The following ELF2 variants were observed in gnomAD, a reference collection of about 807,000 sequenced individuals.
ELF2 encodes the protein E74 like ETS transcription factor 2.
Under a neutral mutation model 54.8 loss-of-function variants are expected in ELF2, and 11 were observed. The ratio of observed to expected loss-of-function variants is 0.20; its 90% CI spans 0.13 to 0.33. ELF2 has a LOEUF of 0.33. Among genes scored for constraint, ELF2 ranks in the 10% least tolerant of loss-of-function variants. The pLI is 1.00. For missense variants in ELF2, 513 were observed against 703.0 expected (o/e 0.73, Z 3.06); for synonymous variants, 203 against 245.1 (o/e 0.83, Z 1.61).
At chr4:139,159,015 G>A (rs994980948) in intron 1 of ELF2, among the ~76,000 whole-genome samples, 8 of 152,122 alleles carry the variant, frequency 5.3e-5, no homozygotes, top group South Asian at 2.1e-4. Flanking sequence ...GTCCGTTATC[G>A]GACTGCAGAG....
intron 4 of ELF2, among the ~76,000 whole-genome samples, chr4:139,114,638 CTTTCTTTTTTTT>C (rs1735391067): frequency 1.8e-5 from 1 of 56,144 alleles, no homozygotes; most frequent in Non-Finnish European, 3.2e-5. Flanking sequence ...TTTTTTTTTT[CTTTCTTTTTTTT>C]TTTTTTTTTT....
At chr4:139,115,278 G>C (rs920556127) in intron 4 of ELF2, 28 of 1,601,060 alleles carry the variant, frequency 1.7e-5, no homozygotes, top group South Asian at 7.8e-5. Flanking sequence ...TCCCGGGGGG[G>C]GCTCTGAAAG....
At chr4:139,084,688 G>C (rs550927124) in intron 4 of ELF2, among the ~76,000 whole-genome samples, 16 of 152,186 alleles carry the variant, frequency 1.1e-4, no homozygotes, top group Non-Finnish European at 2.1e-4. Context: ...CTCTGGAAAA[G>C]AGCCATTAAT....
chr4:139,060,502 C>A lies in ELF2; in HGVS notation c.979G>T (p.Ala327Ser). The A allele has an allele frequency of 6.2e-7, 1 of 1,614,224 alleles. No homozygotes were observed. The highest frequency in any genetic ancestry group is 8.5e-7 in the Non-Finnish European group (1 of 1,180,038). The change falls in exon 9 of 10, where the codon GCA becomes TCA. Residue 327 changes from alanine to serine, a missense_variant. By Grantham distance (99) the Ala-to-Ser change is moderately conservative. Transcript: ENST00000686138. ...EKSLERVSLS[A>S]ESLLKAASSV... ...GATGCTGCTTTCAGGAGACTTTCTGCAGACAGTGACACTCGTTCTAATGAT... is the reference window on the plus strand; with the variant it reads ...GATGCTGCTTTCAGGAGACTTTCTGAAGACAGTGACACTCGTTCTAATGAT...
intron 7 of ELF2, among the ~76,000 whole-genome samples, chr4:139,062,534 G>A (rs1439631311): frequency 1.3e-5 from 2 of 152,188 alleles, no homozygotes; most frequent in Non-Finnish European, 2.9e-5. Flanking sequence ...CTAAAATACA[G>A]GTTCTGGCTT....
upstream of ELF2, among the ~76,000 whole-genome samples, chr4:139,177,828 C>CT (rs1743133181): frequency 2.6e-5 from 4 of 152,308 alleles, no homozygotes; most frequent in South Asian, 6.2e-4. Flanking sequence ...GTCGGGCAGT[C>CT]TGACAGTTAC....
At chr4:139,163,865 G>A (rs1741417149) in intron 1 of ELF2, among the ~76,000 whole-genome samples, 1 of 151,870 alleles carries the variant, frequency 6.6e-6, no homozygotes, top group Admixed American at 6.6e-5. Context: ...AGTGAGGTAT[G>A]ATCGCAGTGG....
In ELF2 at chr4:139,158,794, G is replaced by A. The variant is rs141586927; in HGVS notation, c.-252+18173C>T. ...CCAAGGGAGTCCAAGGGGGTTTAGC[G>A]TAATTACTTGCTTGGTTGGCAAGTC... On this transcript the variant is annotated intron_variant, in intron 1 of 9. Coordinates refer to ENST00000686138, the MANE Select transcript of ELF2 (RefSeq NM_001331036.3). Among the ~76,000 whole-genome samples, 41 of 152,278 alleles carry A rather than the reference G, an allele frequency of 2.7e-4. 1 individual carries two copies. The highest frequency in any genetic ancestry group is 1.4e-3 in the Admixed American group (21 of 15,280).
intron 4 of ELF2, among the ~76,000 whole-genome samples, chr4:139,080,353 T>TA (rs1275668839): frequency 6.6e-6 from 1 of 152,210 alleles, no homozygotes; most frequent in Non-Finnish European, 1.5e-5. Flanking sequence ...TCTATTCACA[T>TA]ACTGCTTTTA....
rs187572721 is a variant in ELF2, at chr4:139,169,750, G to A, written c.-252+7217C>T. ...CGGGCGCCTATAGTCCCAGCTACTC[G>A]GGAGGCTGAGGCAGGAGAATGGCGT... On this transcript the variant is annotated intron_variant, in intron 1 of 9. Transcript: ENST00000686138. 1.8e-4 allele frequency among the ~76,000 whole-genome samples: 27 copies of A among 151,800 alleles called. 1 individual carries two copies. The East Asian group carries it at 3.9e-3, about 22-fold the overall frequency.
At chr4:139,089,347 T>C (rs1233069776) in intron 4 of ELF2, among the ~76,000 whole-genome samples, 1 of 152,198 alleles carries the variant, frequency 6.6e-6, no homozygotes, top group Non-Finnish European at 1.5e-5. Flanking sequence ...TAATGTAACA[T>C]AGTCATATCC....
intron 1 of ELF2, among the ~76,000 whole-genome samples, chr4:139,172,202 A>AAT (rs2148919114): frequency 6.6e-6 from 1 of 152,352 alleles, no homozygotes; most frequent in South Asian, 2.1e-4. Flanking sequence ...AACAACTGGA[A>AAT]ATAATCGAAA....
intron 4 of ELF2, among the ~76,000 whole-genome samples, chr4:139,086,781 G>A (rs1313718256): frequency 6.6e-6 from 1 of 151,836 alleles, no homozygotes; most frequent in African/African-American, 2.4e-5. Flanking sequence ...TAAATAATAG[G>A]GTGTATATAC....
intron 4 of ELF2, among the ~76,000 whole-genome samples, chr4:139,075,372 C>T (rs540761800): frequency 6.6e-4 from 101 of 152,262 alleles, no homozygotes; most frequent in African/African-American, 2.3e-3. Flanking sequence ...TAGCTTAACC[C>T]ATCTTTACAT....
Position 139,068,830 on chromosome 4 carries a change from G to A in ELF2, c.527-1060C>T, listed in dbSNP as rs149715866. The stretch of plus-strand genomic sequence containing the variant: ...AAATAAATTGGGAATACTTAAGTAT[G>A]TTGTATTTTAAAATCAAATACATAT... On this transcript the variant is annotated intron_variant, in intron 6 of 9. Coordinates refer to ENST00000686138, the MANE Select transcript of ELF2 (RefSeq NM_001331036.3). 4.1e-4 allele frequency among the ~76,000 whole-genome samples: 62 copies of A among 152,152 alleles called. No individual in the cohort carries two copies. The East Asian group carries it at 0.012, about 29-fold the overall frequency.
chr4:139,144,173 A>G (rs757297423), intron 1 of ELF2, among the ~76,000 whole-genome samples: 16 of 152,168 alleles, frequency 1.1e-4, no homozygotes, highest in Admixed American at 4.6e-4. Flanking sequence ...GTAAGTCCCC[A>G]GAGTGTGAGA....
At chr4:139,177,548 G>T (rs914928974), upstream of ELF2, among the ~76,000 whole-genome samples, 2 of 152,010 alleles carry the variant, frequency 1.3e-5, no homozygotes, top group Non-Finnish European at 2.9e-5. Flanking sequence ...CGCCTTCCCA[G>T]GTAAAGACGC....
chr4:139,164,972 G>A (rs550340334), intron 1 of ELF2, among the ~76,000 whole-genome samples: 181 of 152,302 alleles, frequency 1.2e-3, no homozygotes, highest in Non-Finnish European at 1.9e-3. Context: ...CACTCTTCCT[G>A]TGTCAAGTAA....
intron 1 of ELF2, among the ~76,000 whole-genome samples, chr4:139,157,912 G>A (rs1302682666): frequency 6.6e-6 from 1 of 152,228 alleles, no homozygotes; most frequent in Admixed American, 6.5e-5. Flanking sequence ...AATGGATAAC[G>A]CGTCTGACTA....
Sources: gnomAD v4.1 joint callset for allele counts (sites outside exome capture counted in the v4.1 genomes callset) on GRCh38, gnomAD v4.1.1 for gene constraint, MANE v1.5 for transcripts, NCBI Gene and HGNC (gene_info 2026-07-23, HGNC 2026-07-21) for gene names.